Variants in SLC30A7 observed in about 807,000 individuals in gnomAD.
SLC30A7 encodes solute carrier family 30 member 7.
In SLC30A7, 35 loss-of-function variants were observed where a neutral mutation model predicts 46.0. The ratio of observed to expected loss-of-function variants is 0.76; its 90% CI spans 0.58 to 1.01. The LOEUF (loss-of-function observed/expected upper bound fraction) is 1.01, where lower values mean the gene tolerates loss of function less well. Ranked by LOEUF, SLC30A7 falls within the 50% of genes least tolerant of loss-of-function variation. The probability of loss-of-function intolerance (pLI) is 0.00; values close to 1 mark genes in which losing one functional copy is unlikely to be tolerated. For synonymous variants in SLC30A7, 147 were observed against 157.8 expected, an observed-to-expected ratio of 0.93 and a Z score of 0.51; for missense variants, 464 against 451.1, an observed-to-expected ratio of 1.03 and a Z score of -0.26.
intron 8 of SLC30A7, among the ~76,000 whole-genome samples, chr1:100,922,122 T>G (rs902207629): frequency 2.6e-5 from 4 of 151,984 alleles, no homozygotes; most frequent in African/African-American, 9.7e-5. Context: ...TGTACGTTAG[T>G]GCCCAGCTAA....
intron 8 of SLC30A7, among the ~76,000 whole-genome samples, chr1:100,923,101 C>T (rs1247399872): frequency 1.9e-5 from 2 of 104,448 alleles, no homozygotes; most frequent in South Asian, 2.8e-4. Context: ...CTGCAGGCTC[C>T]GCCCCCTGGG....
chr1:100,941,363 C>G, intron 8 of SLC30A7: 1 of 398,712 alleles, frequency 2.5e-6, no homozygotes, highest in Middle Eastern at 7.2e-4. Flanking sequence ...ACAACCACCA[C>G]CAAAGTTTCC....
At chr1:100,984,473 T>C (rs147735483), downstream of SLC30A7, among the ~76,000 whole-genome samples, 199 of 152,276 alleles carry the variant, frequency 1.3e-3, no homozygotes, top group African/African-American at 4.5e-3. Context: ...TGGATCTGAT[T>C]CTATTTAGCC....
At chr1:100,909,061 G>GTA (rs1180701741) in intron 3 of SLC30A7, among the ~76,000 whole-genome samples, 1 of 151,780 alleles carries the variant, frequency 6.6e-6, no homozygotes, top group African/African-American at 2.4e-5. Flanking sequence ...GTGTGTGTGT[G>GTA]TGTGTGTGTG....
the SLC30A7 span, chr1:100,995,472 A>G: frequency 1.4e-5 from 3 of 215,930 alleles, no homozygotes; most frequent in African/African-American, 6.8e-5. Context: ...CATTTCTACC[A>G]GCTAGTAACT....
intron 5 of SLC30A7, among the ~76,000 whole-genome samples, chr1:100,912,945 C>G (rs1652217521): frequency 6.6e-6 from 1 of 151,470 alleles, no homozygotes; most frequent in Non-Finnish European, 1.5e-5. Flanking sequence ...TCCTCATAGT[C>G]ATGATTTTTT....
chr1:100,962,757 A>C (rs955671006), intron 9 of SLC30A7, among the ~76,000 whole-genome samples: 5 of 152,230 alleles, frequency 3.3e-5, no homozygotes, highest in African/African-American at 1.2e-4. Context: ...TGTGTTTTCT[A>C]TGAAGAGAAC....
In SLC30A7 at chr1:100,911,143, G is replaced by C; in HGVS notation, c.377G>C (p.Gly126Ala). ...IFTAFFIFSEGVERALAPPDV... is the reference protein window; with the variant it reads ...IFTAFFIFSEAVERALAPPDV... ...ACTGCTTTTTTTATTTTCTCAGAAGGAGTTGAGGTATAGTAGATAATTATT... is the reference window on the plus strand; with the variant it reads ...ACTGCTTTTTTTATTTTCTCAGAAGCAGTTGAGGTATAGTAGATAATTATT... Residue 126 changes from glycine to alanine, a missense_variant, in exon 4 of 11, where the codon GGA (glycine) becomes GCA (alanine). By Grantham distance (60) the Gly-to-Ala change is moderately conservative (BLOSUM62 0). Coordinates refer to ENST00000357650, the MANE Select transcript of SLC30A7 (RefSeq NM_133496.5). The C allele has an allele frequency of 6.2e-7, 1 of 1,604,258 alleles. No individual in the cohort carries two copies.
At chr1:100,927,327 G>A (rs778877005) in intron 8 of SLC30A7, among the ~76,000 whole-genome samples, 3 of 152,114 alleles carry the variant, frequency 2.0e-5, no homozygotes, top group Admixed American at 6.5e-5. Flanking sequence ...CAGCGAGGTG[G>A]GAAGAAAGAT....
chr1:100,926,504 C>G (rs567120465), intron 8 of SLC30A7, among the ~76,000 whole-genome samples: 20 of 152,124 alleles, frequency 1.3e-4, no homozygotes, highest in Admixed American at 2.0e-4. Context: ...CAGCACCAAG[C>G]CATGAGGGAT....
chr1:100,974,781 T>G, intron 10 of SLC30A7, 29 bp from the exon 11 acceptor site: 1 of 1,563,932 alleles, frequency 6.4e-7, no homozygotes, highest in Non-Finnish European at 8.7e-7. Context: ...TTGTTAGATT[T>G]TCTAACTTTT....
downstream of SLC30A7, among the ~76,000 whole-genome samples, chr1:100,982,973 C>T (rs1657033833): frequency 6.6e-6 from 1 of 152,186 alleles, no homozygotes; most frequent in Admixed American, 6.5e-5. Context: ...TGGTACAATA[C>T]TGCACCGGCC....
At chr1:100,986,574 T>G (rs1431155475), downstream of SLC30A7, among the ~76,000 whole-genome samples, 2 of 152,166 alleles carry the variant, frequency 1.3e-5, no homozygotes, top group African/African-American at 4.8e-5. Flanking sequence ...TCTTATAAAA[T>G]TAGGTGCACA....
rs1656867790 is a variant in SLC30A7, at chr1:100,980,595, T to A, written c.*5738T>A. 6.6e-6 allele frequency: 1 copy of A among 152,036 alleles called. No homozygotes were observed. The highest frequency in any genetic ancestry group is 2.4e-5 in the African/African-American group (1 of 41,420). The allele number at this position is 152,036 out of a possible 1,614,324, so 9.4% of individuals were successfully genotyped here. On this transcript the variant is annotated 3_prime_UTR_variant, in exon 11 of 11. Coordinates refer to ENST00000357650, the MANE Select transcript of SLC30A7 (RefSeq NM_133496.5). ...AGGTAAAACCAGTAATTTACTGTTT[T>A]TTACAGAAGACATCTCAGCATTTCT...
chr1:100,945,045 A>G (rs1327922815), intron 8 of SLC30A7, among the ~76,000 whole-genome samples: 5 of 152,162 alleles, frequency 3.3e-5, no homozygotes, highest in African/African-American at 9.7e-5. Context: ...GCCAGTGATG[A>G]TGAGCATTTT....
At chr1:100,986,068 T>C (rs1657247833), downstream of SLC30A7, among the ~76,000 whole-genome samples, 1 of 152,208 alleles carries the variant, frequency 6.6e-6, no homozygotes, top group Admixed American at 6.5e-5. Flanking sequence ...CATGAAAAGA[T>C]GATCCACATC....
At chr1:100,948,218 T>A (rs1570569730) in intron 8 of SLC30A7, among the ~76,000 whole-genome samples, 1 of 152,196 alleles carries the variant, frequency 6.6e-6, no homozygotes, top group African/African-American at 2.4e-5. Context: ...AGTGTTTCCT[T>A]CAGGAACTCT....
intron 8 of SLC30A7, among the ~76,000 whole-genome samples, chr1:100,945,731 G>C (rs1654596294): frequency 6.6e-6 from 1 of 152,124 alleles, no homozygotes; most frequent in African/African-American, 2.4e-5. Context: ...GATGCCTCCA[G>C]CTTTGTTCTT....
chr1:100,912,116 C>G lies in SLC30A7; in HGVS notation c.389C>G (p.Ala130Gly). ...FFIFSEGVERALAPPDVHHER... is the reference protein window; with the variant it reads ...FFIFSEGVERGLAPPDVHHER... ...TTTGTATTATGTGTTTTCTAGAGAG[C>G]ATTAGCCCCTCCAGATGTCCACCAT... is the stretch of plus-strand genomic sequence containing the variant. Residue 130 changes from alanine (A) to glycine (G), a missense_variant, in exon 5 of 11, where the codon GCA becomes GGA. By Grantham distance (60) the Ala-to-Gly change is moderately conservative. Transcript: ENST00000357650. 1 of 1,613,294 alleles carries G rather than the reference C, an allele frequency of 6.2e-7. No homozygotes were observed. Among genetic ancestry groups the G allele is most frequent in the Non-Finnish European group, 8.5e-7 (1 of 1,179,348 alleles).
Sources: gnomAD v4.1 joint callset for allele counts (sites outside exome capture counted in the v4.1 genomes callset) on GRCh38, gnomAD v4.1.1 for gene constraint, MANE v1.5 for transcripts, NCBI Gene and HGNC (gene_info 2026-07-23, HGNC 2026-07-21) for gene names.